NRXN3: variants seen among roughly 807,000 people sequenced by gnomAD.
The protein encoded by NRXN3 is neurexin III.
Under a neutral mutation model 137.6 loss-of-function variants are expected in NRXN3, and 32 were observed. That is an observed-to-expected ratio of 0.23 (90% CI 0.18 to 0.31). The LOEUF is 0.31. Ranked by LOEUF, NRXN3 falls within the 10% of genes least tolerant of loss-of-function variation. The probability of loss-of-function intolerance (pLI) is 1.00; values close to 1 mark genes in which losing one functional copy is unlikely to be tolerated. For synonymous variants in NRXN3, 798 were observed against 784.5 expected (o/e 1.02, Z -0.29); for missense variants, 1,574 against 2,062.5 (o/e 0.76, Z 4.59).
chr14:78,260,694 T>C (rs1439252807), intron 2 of NRXN3, among the ~76,000 whole-genome samples: 1 of 152,214 alleles, frequency 6.6e-6, no homozygotes, highest in Admixed American at 6.5e-5. Flanking sequence ...AAATGATCTC[T>C]TCTCTTGTCT....
chr14:78,992,158 T>C (rs1167865415), intron 15 of NRXN3, among the ~76,000 whole-genome samples: 2 of 152,218 alleles, frequency 1.3e-5, no homozygotes, highest in Admixed American at 1.3e-4. Flanking sequence ...GGTAAAGTCA[T>C]GGGGAGTTTC....
intron 4 of NRXN3, among the ~76,000 whole-genome samples, chr14:78,428,913 G>C (rs2093766457): frequency 1.3e-5 from 2 of 152,098 alleles, no homozygotes; most frequent in Non-Finnish European, 2.9e-5. Flanking sequence ...GAAACAACTA[G>C]AATAATGTTT....
At chr14:79,809,805 A>G (rs756034370) in intron 20 of NRXN3, among the ~76,000 whole-genome samples, 1 of 152,210 alleles carries the variant, frequency 6.6e-6, no homozygotes, top group Non-Finnish European at 1.5e-5. Context: ...CAGTAAATTC[A>G]TATTTCATTG....
chr14:79,730,205 C>T (rs1365358353), intron 19 of NRXN3, among the ~76,000 whole-genome samples: 1 of 152,012 alleles, frequency 6.6e-6, no homozygotes, highest in African/African-American at 2.4e-5. Context: ...AAATCTAGGC[C>T]ACAGCATCCC....
intron 15 of NRXN3, among the ~76,000 whole-genome samples, chr14:79,087,555 C>T (rs1290272110): frequency 6.6e-6 from 1 of 152,174 alleles, no homozygotes; most frequent in Admixed American, 6.5e-5. Flanking sequence ...ATAGGGAAAA[C>T]TTCTTGGTAG....
rs1226538834 is a variant in NRXN3 at position 78,778,754 on chromosome 14, CTTTCTCTTTCTT to C, written c.2045-24864_2045-24853del. ...TCTCTCTCTCTTTCTTTCTTTCCTT[CTTTCTCTTTCTT>C]TCTTTCTTTCTTTCTTTCTTTCTTT... is the stretch of plus-strand genomic sequence containing the variant. On this transcript the variant is annotated intron_variant, in intron 8 of 20. Transcript: ENST00000335750. Among the ~76,000 whole-genome samples, 15 of 105,254 alleles carry C rather than the reference CTTTCTCTTTCTT, an allele frequency of 1.4e-4. No homozygotes were observed. The South Asian group carries it at 1.5e-3, about 11-fold the overall frequency. 69.1% of individuals were successfully genotyped at this position (105,254 alleles called of 152,430 possible).
At chr14:78,646,735 CATG>C (rs777527089) in intron 5 of NRXN3, among the ~76,000 whole-genome samples, 1 of 152,186 alleles carries the variant, frequency 6.6e-6, no homozygotes, top group Non-Finnish European at 1.5e-5. Context: ...TCTTGACATT[CATG>C]AATCTGATAT....
intron 19 of NRXN3, among the ~76,000 whole-genome samples, chr14:79,724,179 C>T (rs975104009): frequency 2.0e-4 from 31 of 152,062 alleles, no homozygotes; most frequent in African/African-American, 6.3e-4. Flanking sequence ...CAGGGTACGC[C>T]GGCACACAAG....
intron 19 of NRXN3, among the ~76,000 whole-genome samples, chr14:79,798,147 A>C (rs1051316013): frequency 5.9e-5 from 9 of 152,010 alleles, no homozygotes; most frequent in African/African-American, 2.2e-4. Context: ...GGGTATTAGC[A>C]CTGATCAAAG....
intron 10 of NRXN3, among the ~76,000 whole-genome samples, chr14:78,867,915 A>T (rs2099091316): frequency 6.6e-6 from 1 of 150,472 alleles, no homozygotes; most frequent in Non-Finnish European, 1.5e-5. Context: ...CTTCTTTATG[A>T]ATGAATATAA....
chr14:79,432,896 C>T (rs2095786995), intron 15 of NRXN3, among the ~76,000 whole-genome samples: 1 of 152,188 alleles, frequency 6.6e-6, no homozygotes, highest in Non-Finnish European at 1.5e-5. Context: ...TTATTTCACA[C>T]TGCAGTAAAT....
chr14:78,755,783 T>C (rs1391100527), intron 8 of NRXN3, among the ~76,000 whole-genome samples: 2 of 152,226 alleles, frequency 1.3e-5, no homozygotes, highest in Non-Finnish European at 2.9e-5. Context: ...TTCTCAAGTA[T>C]ACTATAGCTG....
intron 4 of NRXN3, among the ~76,000 whole-genome samples, chr14:78,462,155 G>A (rs562073988): frequency 6.6e-5 from 10 of 152,282 alleles, no homozygotes; most frequent in East Asian, 1.9e-4. Flanking sequence ...AAGGAAGCCC[G>A]GCTTCCTGGT....
At chr14:78,283,656 G>C (rs750240461) in intron 3 of NRXN3, among the ~76,000 whole-genome samples, 5 of 152,072 alleles carry the variant, frequency 3.3e-5, no homozygotes, top group Non-Finnish European at 7.4e-5. Context: ...TTACAGGTGT[G>C]TGCCACCACG....
Position 78,269,698 on chromosome 14 carries a change from C to T in NRXN3, c.710-8947C>T, listed in dbSNP as rs181853076. The stretch of plus-strand genomic sequence containing the variant: ...GGTTTCTTTCCCACACCCCGTATCA[C>T]CATCCCCTACAGAGCAGCTATAGTA... On this transcript the variant is annotated intron_variant, in intron 2 of 20. Coordinates refer to ENST00000335750, the MANE Select transcript of NRXN3 (RefSeq NM_001330195.2). Among the ~76,000 whole-genome samples, 80 of 152,330 alleles carry T rather than the reference C, an allele frequency of 5.3e-4. 1 individual carries two copies. The highest frequency in any genetic ancestry group is 5.9e-4 in the Admixed American group (9 of 15,304).
chr14:79,356,216 C>T (rs1046305327), intron 15 of NRXN3, among the ~76,000 whole-genome samples: 1 of 152,130 alleles, frequency 6.6e-6, no homozygotes, highest in African/African-American at 2.4e-5. Flanking sequence ...TCTTTGCTGC[C>T]TCCTACTGTT....
At chr14:78,421,491 A>C (rs532310440) in intron 4 of NRXN3, among the ~76,000 whole-genome samples, 1 of 152,294 alleles carries the variant, frequency 6.6e-6, no homozygotes, top group African/African-American at 2.4e-5. Context: ...AGTATTTAAT[A>C]ATGGGGATAT....
At chr14:78,959,724 T>A (rs1321706481) in intron 11 of NRXN3, among the ~76,000 whole-genome samples, 1 of 152,220 alleles carries the variant, frequency 6.6e-6, no homozygotes, top group Non-Finnish European at 1.5e-5. Context: ...TTACACTATT[T>A]AGCGCCCGCA....
At chr14:79,404,233 A>G (rs1200077829) in intron 15 of NRXN3, among the ~76,000 whole-genome samples, 1 of 152,232 alleles carries the variant, frequency 6.6e-6, no homozygotes, top group South Asian at 2.1e-4. Context: ...CCCAGCCTCT[A>G]TAAGGAACTT....
Sources: gnomAD v4.1 joint callset for allele counts (sites outside exome capture counted in the v4.1 genomes callset) on GRCh38, gnomAD v4.1.1 for gene constraint, MANE v1.5 for transcripts, NCBI Gene and HGNC (gene_info 2026-07-23, HGNC 2026-07-21) for gene names.